The following TDRD12 variants were observed in gnomAD, a reference collection of about 807,000 sequenced individuals.
TDRD12 encodes putative ATP-dependent RNA helicase TDRD12.
TDRD12 carries 158 observed loss-of-function variants against 133.5 expected under a neutral mutation model. The ratio of observed to expected loss-of-function variants is 1.18; its 90% CI spans 1.04 to 1.35. The LOEUF (loss-of-function observed/expected upper bound fraction) is 1.35. Ranked by LOEUF, TDRD12 falls within the 40% of genes most tolerant of loss-of-function variation. The probability of loss-of-function intolerance (pLI) is 0.00; values close to 1 mark genes in which losing one functional copy is unlikely to be tolerated. For missense variants in TDRD12, 1,443 were observed against 1,321.3 expected (o/e 1.09, Z -1.43); for synonymous variants, 460 against 477.9 (o/e 0.96, Z 0.49).
At chr19:32,805,298 G>A (rs573074558) in intron 21 of TDRD12, among the ~76,000 whole-genome samples, 6 of 150,042 alleles carry the variant, frequency 4.0e-5, no homozygotes, top group East Asian at 2.0e-4. Context: ...TAGGGGGATC[G>A]CTTGAGCCTG....
chr19:32,738,883 A>C, exon 3 of TDRD12: 9 of 1,551,366 alleles, frequency 5.8e-6, no homozygotes, highest in Non-Finnish European at 7.0e-6. Context: ...TGAGGAGCTA[A>C]AGTGCTGGTG....
exon 21 of TDRD12, chr19:32,803,040 C>T (rs1019468917): frequency 9.1e-6 from 14 of 1,536,096 alleles, no homozygotes; most frequent in Non-Finnish European, 1.2e-5. Context: ...GCCAAGGTCC[C>T]CGCAGAGCTG....
chr19:32,735,386 C>A (rs1458920593), intron 2 of TDRD12, among the ~76,000 whole-genome samples: 3 of 152,158 alleles, frequency 2.0e-5, no homozygotes, highest in Non-Finnish European at 4.4e-5. Flanking sequence ...AAGCCTGATC[C>A]AGAGCAAGGC....
intron 8 of TDRD12, among the ~76,000 whole-genome samples, chr19:32,772,123 T>A (rs1445123164): frequency 6.6e-6 from 1 of 152,146 alleles, no homozygotes; most frequent in East Asian, 1.9e-4. Context: ...TGGCATTAAC[T>A]AAGTGGGGGC....
At chr19:32,826,126 C>T (rs1394027968), downstream of TDRD12, 1 of 1,535,792 alleles carries the variant, frequency 6.5e-7, no homozygotes, top group South Asian at 1.2e-5. Context: ...CTGAAGGTGC[C>T]TTCATTAGCA....
intron 1 of TDRD12, among the ~76,000 whole-genome samples, chr19:32,724,467 A>G (rs994562306): frequency 3.3e-5 from 5 of 152,190 alleles, no homozygotes; most frequent in Non-Finnish European, 7.3e-5. Flanking sequence ...AAGTGAGAAC[A>G]TACGGTGTTT....
chr19:32,779,103 C>A (rs964399302), intron 11 of TDRD12, among the ~76,000 whole-genome samples: 1 of 152,176 alleles, frequency 6.6e-6, no homozygotes, highest in Non-Finnish European at 1.5e-5. Flanking sequence ...TCATTTCTGG[C>A]GAGATAGCCA....
chr19:32,810,749 A>T (rs1662108775), intron 23 of TDRD12, among the ~76,000 whole-genome samples: 1 of 152,130 alleles, frequency 6.6e-6, no homozygotes, highest in Non-Finnish European at 1.5e-5. Flanking sequence ...GAAACTTGAC[A>T]GGTGACGTTG....
intron 2 of TDRD12, among the ~76,000 whole-genome samples, chr19:32,733,171 T>TA (rs1029038588): frequency 2.0e-5 from 3 of 151,542 alleles, no homozygotes; most frequent in African/African-American, 7.3e-5. Context: ...GACTGTCTCT[T>TA]AAAAAAAATA....
At chr19:32,739,311 T>C (rs1473050720) in intron 3 of TDRD12, among the ~76,000 whole-genome samples, 1 of 144,682 alleles carries the variant, frequency 6.9e-6, no homozygotes, top group Admixed American at 6.9e-5. Flanking sequence ...CTGCATCTCA[T>C]GGCTACTCTC....
intron 27 of TDRD12, among the ~76,000 whole-genome samples, chr19:32,819,687 C>A (rs1967311968): frequency 2.0e-5 from 3 of 152,130 alleles, no homozygotes; most frequent in Non-Finnish European, 2.9e-5. Flanking sequence ...CTAGAAGAGA[C>A]CCCATATCAG....
intron 4 of TDRD12, among the ~76,000 whole-genome samples, chr19:32,745,379 G>A (rs1412908556): frequency 6.6e-6 from 1 of 152,196 alleles, no homozygotes; most frequent in African/African-American, 2.4e-5. Context: ...TTGTGTTTGT[G>A]TTTTATGCAG....
At chr19:32,773,772 A>G (rs564655371) in intron 10 of TDRD12, among the ~76,000 whole-genome samples, 1 of 152,332 alleles carries the variant, frequency 6.6e-6, no homozygotes, top group South Asian at 2.1e-4. Context: ...ACAGTGTTCT[A>G]TAAGATTGAT....
chr19:32,770,404 TA>T (rs879617735), intron 8 of TDRD12, among the ~76,000 whole-genome samples: 32 of 152,172 alleles, frequency 2.1e-4, no homozygotes, highest in Non-Finnish European at 4.0e-4. Flanking sequence ...CTTCCTTTTT[TA>T]CTCTTATATA....
At chr19:32,823,784 A>G (rs1431610944), downstream of TDRD12, among the ~76,000 whole-genome samples, 1 of 152,104 alleles carries the variant, frequency 6.6e-6, no homozygotes, top group African/African-American at 2.4e-5. Flanking sequence ...CATTAAGAGG[A>G]TTTTCCCAGA....
chr19:32,798,726 A>G (rs1252529003), intron 16 of TDRD12, among the ~76,000 whole-genome samples: 2 of 152,196 alleles, frequency 1.3e-5, no homozygotes, highest in South Asian at 4.1e-4. Context: ...TAAGACATGG[A>G]GAAGAGCACT....
intron 11 of TDRD12, among the ~76,000 whole-genome samples, chr19:32,788,461 TTG>T (rs1881451425): frequency 6.6e-6 from 1 of 152,308 alleles, no homozygotes; most frequent in African/African-American, 2.4e-5. Context: ...ACTCATTTTA[TTG>T]TGTTTTTTAT....
chr19:32,727,619 T>C (rs1170862172), intron 1 of TDRD12, among the ~76,000 whole-genome samples: 1 of 152,240 alleles, frequency 6.6e-6, no homozygotes, highest in East Asian at 1.9e-4. Context: ...TGATCCATTT[T>C]GAGTATGGTG....
At chr19:32,827,492 G>C in exon 10 of TDRD12, 1 of 231,402 alleles carries the variant, frequency 4.3e-6, no homozygotes, top group Non-Finnish European at 8.0e-6. Context: ...CAATTCTCCT[G>C]CCTCAGCCTC....
Sources: gnomAD v4.1 joint callset for allele counts (sites outside exome capture counted in the v4.1 genomes callset) on GRCh38, gnomAD v4.1.1 for gene constraint, MANE v1.5 for transcripts, NCBI Gene and HGNC (gene_info 2026-07-23, HGNC 2026-07-21) for gene names.